COG5: variants seen among roughly 807,000 people sequenced by gnomAD.
The protein encoded by COG5 is conserved oligomeric Golgi complex subunit 5.
Under a neutral mutation model 110.4 loss-of-function variants are expected in COG5, and 86 were observed. The observed-to-expected ratio is 0.78, with a 90% confidence interval of 0.65 to 0.93. COG5 has a LOEUF of 0.93. Ranked by LOEUF, COG5 falls within the 40% of genes least tolerant of loss-of-function variation. The probability of loss-of-function intolerance (pLI) is 0.00; values close to 1 mark genes in which losing one functional copy is unlikely to be tolerated. For missense variants in COG5, 1,077 were observed against 987.0 expected, an observed-to-expected ratio of 1.09 and a Z score of -1.22; for synonymous variants, 360 against 334.6, an observed-to-expected ratio of 1.08 and a Z score of -0.83.
intron 6 of COG5, among the ~76,000 whole-genome samples, chr7:107,417,965 A>T (rs1356773195): frequency 6.6e-6 from 1 of 152,078 alleles, no homozygotes; most frequent in African/African-American, 2.4e-5. Flanking sequence ...ATTTGTTTAC[A>T]TATTATTTCT....
intron 1 of COG5, 113 bp from the exon 2 acceptor site, chr7:107,558,228 C>T: frequency 2.0e-6 from 2 of 1,014,714 alleles, no homozygotes; most frequent in South Asian, 1.4e-5. Context: ...ATACTCTGAA[C>T]CACTCCACTA....
chr7:107,425,009 A>C (rs539463199), intron 6 of COG5, among the ~76,000 whole-genome samples: 1 of 152,304 alleles, frequency 6.6e-6, no homozygotes, highest in African/African-American at 2.4e-5. Context: ...AATACTCCTC[A>C]AAACCATTAC....
intron 21 of COG5, chr7:107,207,702 G>T: frequency 1.1e-6 from 1 of 920,572 alleles, no homozygotes; most frequent in Non-Finnish European, 1.3e-6. Context: ...GCACCTGCCT[G>T]ATGCAGGCTG....
At chr7:107,418,181 G>A (rs1007031536) in intron 6 of COG5, among the ~76,000 whole-genome samples, 29 of 149,812 alleles carry the variant, frequency 1.9e-4, no homozygotes, top group Middle Eastern at 3.4e-3. Flanking sequence ...TTTTTGATCC[G>A]TTCAACAAAC....
At chr7:107,345,121 AC>A (rs994142939) in intron 10 of COG5, among the ~76,000 whole-genome samples, 2 of 152,150 alleles carry the variant, frequency 1.3e-5, no homozygotes, top group African/African-American at 2.4e-5. Context: ...GAGGAGAGTG[AC>A]AGGGTTGGGA....
intron 6 of COG5, among the ~76,000 whole-genome samples, chr7:107,484,034 T>TTA (rs1304218387): frequency 1.3e-5 from 2 of 152,058 alleles, no homozygotes; most frequent in African/African-American, 2.4e-5. Context: ...ATAATTTTAT[T>TTA]TATATATATC....
intron 6 of COG5, among the ~76,000 whole-genome samples, chr7:107,443,739 T>C (rs1003991696): frequency 7.2e-5 from 11 of 152,178 alleles, no homozygotes; most frequent in African/African-American, 2.4e-4. Context: ...TAGTTTAGAA[T>C]TTTTCCTCAT....
chr7:107,489,000 A>G (rs182032717), intron 6 of COG5, among the ~76,000 whole-genome samples: 10 of 152,168 alleles, frequency 6.6e-5, no homozygotes, highest in Non-Finnish European at 8.8e-5. Flanking sequence ...AAACATTGTG[A>G]TTTTTCCAAC....
chr7:107,384,815 T>C (rs78133594), intron 7 of COG5, among the ~76,000 whole-genome samples: 30,462 of 152,102 alleles, frequency 0.2, 3,167 homozygotes, highest in Non-Finnish European at 0.22. Flanking sequence ...GGATCTTTGT[T>C]TTAGACTTTC....
chr7:107,273,108 A>G (rs1371089481), intron 14 of COG5, among the ~76,000 whole-genome samples: 1 of 152,126 alleles, frequency 6.6e-6, no homozygotes, highest in African/African-American at 2.4e-5. Flanking sequence ...CATGTCTCCA[A>G]TTCAGAACCC....
chr7:107,248,299 C>T (rs1562932163), intron 17 of COG5, 97 bp downstream of exon 17: 1 of 814,630 alleles, frequency 1.2e-6, no homozygotes, highest in Non-Finnish European at 2.2e-6. Flanking sequence ...GAACAAGGCC[C>T]TGGATGGCAG....
At chr7:107,342,261 T>C (rs1314148108) in intron 10 of COG5, among the ~76,000 whole-genome samples, 1 of 146,682 alleles carries the variant, frequency 6.8e-6, no homozygotes, top group Non-Finnish European at 1.5e-5. Flanking sequence ...CCAACAAACA[T>C]ATGAAAAAAT....
chr7:107,211,281 T>C, intron 19 of COG5, 56 bp from the exon 20 acceptor site: 1 of 1,582,772 alleles, frequency 6.3e-7, no homozygotes, highest in Non-Finnish European at 8.7e-7. Context: ...ATAGGTGATT[T>C]GGTGGGAGAA....
intron 6 of COG5, among the ~76,000 whole-genome samples, chr7:107,445,750 T>C (rs929644248): frequency 6.6e-6 from 1 of 152,232 alleles, no homozygotes. Context: ...AGTAGTTGAA[T>C]AGTGATACTG....
At chr7:107,274,711 C>T (rs1020237894) in intron 14 of COG5, among the ~76,000 whole-genome samples, 4 of 152,198 alleles carry the variant, frequency 2.6e-5, no homozygotes, top group African/African-American at 9.6e-5. Context: ...CTGCGTGTCA[C>T]CCACGCCAAC....
chr7:107,316,941 A>C (rs575467735), intron 11 of COG5, among the ~76,000 whole-genome samples: 45 of 152,150 alleles, frequency 3.0e-4, no homozygotes, highest in Non-Finnish European at 5.6e-4. Flanking sequence ...ACTTTTAATC[A>C]TTATTTAAAT....
rs112667607 is a variant in COG5, at chr7:107,225,849, C to T, written c.2168+4766G>A. On this transcript the variant is annotated intron_variant, in intron 19 of 21. Coordinates refer to ENST00000297135, the MANE Select transcript of COG5 (RefSeq NM_006348.5). The stretch of plus-strand genomic sequence containing the variant: ...CCTGAGGTCAGGAGTTTGAGACCAG[C>T]CTGGCCAACGTGGTGAAACCCCGTC... Among the ~76,000 whole-genome samples the T allele has an allele frequency of 9.0e-3, 1,370 of 152,204 alleles. 29 individuals are homozygous for T. The highest frequency in any genetic ancestry group is 0.03 in the African/African-American group (1,227 of 41,532).
intron 19 of COG5, among the ~76,000 whole-genome samples, chr7:107,223,193 G>A (rs1230725872): frequency 6.6e-6 from 1 of 152,174 alleles, no homozygotes; most frequent in Non-Finnish European, 1.5e-5. Flanking sequence ...GAAAGAGTGG[G>A]AGAAGGAACA....
intron 10 of COG5, 90 bp downstream of exon 10, chr7:107,361,943 T>C: frequency 1.2e-6 from 1 of 812,334 alleles, no homozygotes; most frequent in Non-Finnish European, 2.1e-6. Flanking sequence ...ATGTAGCCAC[T>C]CTATAAGGTA....
Sources: gnomAD v4.1 joint callset for allele counts (sites outside exome capture counted in the v4.1 genomes callset) on GRCh38, gnomAD v4.1.1 for gene constraint, MANE v1.5 for transcripts, NCBI Gene and HGNC (gene_info 2026-07-23, HGNC 2026-07-21) for gene names.